The following PPP2R5A variants were observed in gnomAD, a reference collection of about 807,000 sequenced individuals.
PPP2R5A encodes serine/threonine-protein phosphatase 2A 56 kDa regulatory subunit alpha isoform.
Under a neutral mutation model 64.2 loss-of-function variants are expected in PPP2R5A, and 25 were observed. The ratio of observed to expected loss-of-function variants is 0.39; its 90% CI spans 0.28 to 0.54. The LOEUF is 0.54. PPP2R5A is among the 20% of genes least tolerant of loss of function. PPP2R5A has a pLI of 0.67. For missense variants in PPP2R5A, 425 were observed against 576.3 expected (o/e 0.74, Z 2.69); for synonymous variants, 198 against 201.2 (o/e 0.98, Z 0.13).
intron 1 of PPP2R5A, among the ~76,000 whole-genome samples, chr1:212,312,924 A>T (rs898501199): frequency 2.0e-5 from 3 of 152,180 alleles, no homozygotes; most frequent in Admixed American, 1.3e-4. Flanking sequence ...GTTTTACATT[A>T]AAAAAATGAT....
chr1:212,327,259 T>C (rs906345254), intron 1 of PPP2R5A, among the ~76,000 whole-genome samples: 6 of 152,214 alleles, frequency 3.9e-5, no homozygotes, highest in Non-Finnish European at 8.8e-5. Context: ...TTCAGTAAAC[T>C]TAAGTGATTG....
At chr1:212,324,216 A>G (rs1659367194) in intron 1 of PPP2R5A, among the ~76,000 whole-genome samples, 1 of 152,238 alleles carries the variant, frequency 6.6e-6, no homozygotes, top group Non-Finnish European at 1.5e-5. Flanking sequence ...TAAATGGTAT[A>G]GTTTACTACA....
At chr1:212,330,298 G>GT (rs2102433435) in intron 2 of PPP2R5A, among the ~76,000 whole-genome samples, 1 of 152,234 alleles carries the variant, frequency 6.6e-6, no homozygotes, top group Admixed American at 6.5e-5. Context: ...GGAGGCTGAG[G>GT]TGGGAGAATC....
intron 1 of PPP2R5A, among the ~76,000 whole-genome samples, chr1:212,292,743 C>T (rs1044787663): frequency 6.6e-6 from 1 of 152,150 alleles, no homozygotes; most frequent in East Asian, 1.9e-4. Context: ...TATTTTTATT[C>T]TTGTACAGAC....
chr1:212,288,404 C>T (rs1658543521), intron 1 of PPP2R5A, among the ~76,000 whole-genome samples: 1 of 152,016 alleles, frequency 6.6e-6, no homozygotes, highest in African/African-American at 2.4e-5. Context: ...GTTGAAGGTG[C>T]CATATAGTAT....
rs1212438178 is a variant in PPP2R5A at position 212,314,557 on chromosome 1, AT to A, written c.182-14561del. Among the ~76,000 whole-genome samples the A allele has an allele frequency of 3.8e-3, 484 of 127,774 alleles. 1 individual carries two copies. Among genetic ancestry groups the A allele is most frequent in the Middle Eastern group, 8.0e-3 (2 of 250 alleles). The allele number at this position is 127,774 out of a possible 152,430, so 83.8% of individuals were successfully genotyped here. A position where few individuals can be genotyped will look rare whatever the true frequency, so the allele number is the denominator to read the frequency against. On this transcript the variant is annotated intron_variant, in intron 1 of 12. Coordinates refer to ENST00000261461, the MANE Select transcript of PPP2R5A (RefSeq NM_006243.4). Reference sequence around the variant, plus strand: ...ACTACAGGTGTGTGCCACCAAGCCTATTTTTTTTTTTTTTTTTGAGATGGTG... The same window carrying A: ...ACTACAGGTGTGTGCCACCAAGCCTATTTTTTTTTTTTTTTTGAGATGGTG...
chr1:212,293,286 TA>T (rs1344547839), intron 1 of PPP2R5A, among the ~76,000 whole-genome samples: 12 of 152,254 alleles, frequency 7.9e-5, no homozygotes, highest in African/African-American at 2.9e-4. Flanking sequence ...TGAGGAAAAG[TA>T]ATACTGGGTT....
intron 4 of PPP2R5A, among the ~76,000 whole-genome samples, chr1:212,343,020 T>C (rs1315338314): frequency 6.6e-6 from 1 of 152,038 alleles, no homozygotes; most frequent in Non-Finnish European, 1.5e-5. Flanking sequence ...CAACCTCAGC[T>C]CACTTCATCC....
At chr1:212,310,868 C>T (rs1323715481) in intron 1 of PPP2R5A, among the ~76,000 whole-genome samples, 1 of 152,178 alleles carries the variant, frequency 6.6e-6, no homozygotes, top group East Asian at 1.9e-4. Flanking sequence ...GGTCCTACTC[C>T]TTACCTAAAG....
intron 1 of PPP2R5A, among the ~76,000 whole-genome samples, chr1:212,314,411 T>TA (rs111274071): frequency 9.9e-5 from 15 of 152,164 alleles, no homozygotes; most frequent in African/African-American, 2.9e-4. Flanking sequence ...GATGGGTTCT[T>TA]AAAAAACCCA....
chr1:212,361,851 G>A lies in PPP2R5A; in HGVS notation c.*1081G>A, dbSNP rs1005353534. The A allele has an allele frequency of 3.3e-5, 5 of 152,626 alleles. No individual in the cohort carries two copies. Among genetic ancestry groups the A allele is most frequent in the African/African-American group, 1.2e-4 (5 of 41,456 alleles). The allele number at this position is 152,626 out of a possible 1,614,324, so 9.5% of individuals were successfully genotyped here. A position where few individuals can be genotyped will look rare whatever the true frequency, so the allele number is the denominator to read the frequency against. On this transcript the variant is annotated 3_prime_UTR_variant, in exon 13 of 13. Transcript: ENST00000261461. The stretch of plus-strand genomic sequence containing the variant: ...GCAGCATTTAATAAAGTCTATGTTT[G>A]TATTTTGCCTTATGTCATCTTTGCT...
chr1:212,351,142 G>C (rs978570793), intron 8 of PPP2R5A, among the ~76,000 whole-genome samples: 1 of 151,884 alleles, frequency 6.6e-6, no homozygotes, highest in Admixed American at 6.6e-5. Flanking sequence ...TGACGATTAG[G>C]GAGAGGGATG....
Position 212,358,779 on chromosome 1 carries a change from AAGAC to A in PPP2R5A, c.1324_1327del (p.Gln442GlufsTer16). 3 of 1,610,026 alleles carry A rather than the reference AAGAC, an allele frequency of 1.9e-6. No individual in the cohort carries two copies. Among genetic ancestry groups the A allele is most frequent in the Non-Finnish European group, 2.5e-6 (3 of 1,177,070 alleles). On this transcript the variant is annotated frameshift_variant, in exon 12 of 13. Transcript: ENST00000261461. LOFTEE classifies it high-confidence loss of function. ...ACCTTACTAGCTCATACAAAGCTGA[AAGAC>A]AGAGGTATTTGATATTTTGAATTAC...
At position 212,309,562 on chromosome 1, in the gene PPP2R5A, C is replaced by T. The variant is rs1658988335; in HGVS notation, c.182-19573C>T. On this transcript the variant is annotated intron_variant, in intron 1 of 12. Transcript: ENST00000261461. ...TTACTTCTTTAATCATAGTTTAGTT[C>T]TTTGAACATATATAATGACTACTTT... 4.2e-6 allele frequency: 3 copies of T among 711,402 alleles called. No individual in the cohort carries two copies. The Admixed American group carries it at 6.5e-5, about 15-fold the overall frequency. 44.1% of individuals were successfully genotyped at this position (711,402 alleles called of 1,614,324 possible).
intron 1 of PPP2R5A, among the ~76,000 whole-genome samples, chr1:212,292,609 A>G (rs978068525): frequency 2.0e-5 from 3 of 152,076 alleles, no homozygotes; most frequent in Admixed American, 6.6e-5. Flanking sequence ...GTCTTGCTCT[A>G]TCACCCAGGC....
chr1:212,344,991 C>T (rs1659748771), intron 4 of PPP2R5A, among the ~76,000 whole-genome samples: 1 of 151,934 alleles, frequency 6.6e-6, no homozygotes, highest in Non-Finnish European at 1.5e-5. Flanking sequence ...TGGTGAAACC[C>T]CGTCTCTACC....
At chr1:212,334,276 C>T (rs1259710990) in intron 3 of PPP2R5A, among the ~76,000 whole-genome samples, 1 of 151,904 alleles carries the variant, frequency 6.6e-6, no homozygotes, top group Non-Finnish European at 1.5e-5. Context: ...AATTTTTATA[C>T]ATTATGTTTT....
chr1:212,319,613 CTTTTCTT>C lies in PPP2R5A; in HGVS notation c.182-9517_182-9511del, dbSNP rs1483801953. ...ATTTATTATGTGTTCTTTTTGTTTT[CTTTTCTT>C]TTTTTTTTTTTTTTTTTGAGACGGA... On this transcript the variant is annotated intron_variant, in intron 1 of 12. Coordinates refer to ENST00000261461, the MANE Select transcript of PPP2R5A (RefSeq NM_006243.4). The C allele has an allele frequency of 6.2e-4, 69 of 110,728 alleles. 1 individual carries two copies. The highest frequency in any genetic ancestry group is 2.5e-3 in the African/African-American group (67 of 26,910). The allele number at this position is 110,728 out of a possible 1,614,324, so 6.9% of individuals were successfully genotyped here.
chr1:212,292,090 T>G (rs1558137481), intron 1 of PPP2R5A, among the ~76,000 whole-genome samples: 1 of 152,226 alleles, frequency 6.6e-6, no homozygotes, highest in Admixed American at 6.5e-5. Context: ...GCGTTTTTGG[T>G]CATGCCTTAT....
Sources: gnomAD v4.1 joint callset for allele counts (sites outside exome capture counted in the v4.1 genomes callset) on GRCh38, gnomAD v4.1.1 for gene constraint, MANE v1.5 for transcripts, NCBI Gene and HGNC (gene_info 2026-07-23, HGNC 2026-07-21) for gene names.